CSMD1: variants seen among roughly 807,000 people sequenced by gnomAD.
CSMD1 encodes the protein CUB and Sushi multiple domains 1.
Under a neutral mutation model 417.5 loss-of-function variants are expected in CSMD1, and 213 were observed. The observed-to-expected ratio is 0.51, with a 90% CI of 0.46 to 0.57. The LOEUF is 0.57. Among genes scored for constraint, CSMD1 ranks in the 20% least tolerant of loss-of-function variants. The pLI is 0.00. For missense variants in CSMD1, 6,923 were observed against 4,529.7 expected, an observed-to-expected ratio of 1.53 and a Z score of -15.17; for synonymous variants, 2,862 against 1,736.8, an observed-to-expected ratio of 1.65 and a Z score of -16.11.
At chr8:3,712,765 C>T (rs888454984) in intron 6 of CSMD1, among the ~76,000 whole-genome samples, 1 of 152,120 alleles carries the variant, frequency 6.6e-6, no homozygotes, top group Non-Finnish European at 1.5e-5. Flanking sequence ...GTCTCACATT[C>T]CCTGGTGTCT....
chr8:3,819,777 T>G (rs1801617464), intron 5 of CSMD1, among the ~76,000 whole-genome samples: 1 of 152,066 alleles, frequency 6.6e-6, no homozygotes, highest in Non-Finnish European at 1.5e-5. Context: ...TATATAGAGA[T>G]GTAAGCAATC....
At position 3,527,165 on chromosome 8, in the gene CSMD1, CA is replaced by C. The variant is rs1423747993; in HGVS notation, c.1345-33440del. ...TGTCTCTCTCCACGTTTTTATAACACAAAAAAATAAAATTTTAATATAAAAC... is the reference window on the plus strand; with the variant it reads ...TGTCTCTCTCCACGTTTTTATAACACAAAAAATAAAATTTTAATATAAAAC... On this transcript the variant is annotated intron_variant, in intron 10 of 69. Coordinates refer to ENST00000635120, the MANE Select transcript of CSMD1 (RefSeq NM_033225.6). Among the ~76,000 whole-genome samples the C allele has an allele frequency of 3.9e-5, 6 of 152,004 alleles. 1 individual carries two copies. The South Asian group carries it at 6.2e-4, about 16-fold the overall frequency.
chr8:3,612,389 A>G (rs189889294), intron 8 of CSMD1, among the ~76,000 whole-genome samples: 44 of 152,232 alleles, frequency 2.9e-4, no homozygotes, highest in Non-Finnish European at 6.2e-4. Context: ...TCAATCACAG[A>G]TCTGACAAGT....
At chr8:3,454,747 T>A (rs1452475184) in intron 12 of CSMD1, among the ~76,000 whole-genome samples, 3 of 152,192 alleles carry the variant, frequency 2.0e-5, no homozygotes, top group African/African-American at 4.8e-5. Context: ...CCCTTTAAAT[T>A]TTTTCTTCAT....
chr8:4,607,362 G>C (rs1259931024), intron 2 of CSMD1, among the ~76,000 whole-genome samples: 1 of 152,112 alleles, frequency 6.6e-6, no homozygotes, highest in African/African-American at 2.4e-5. Context: ...TTGATTCTGA[G>C]ACAGGAATAA....
At chr8:3,701,260 T>A (rs143547394) in intron 7 of CSMD1, among the ~76,000 whole-genome samples, 1,553 of 152,268 alleles carry the variant, frequency 0.01, 34 homozygotes, top group African/African-American at 0.036. Flanking sequence ...AATTGGATCA[T>A]CTCGGGACAA....
chr8:4,253,438 A>G (rs1019753109), intron 3 of CSMD1, among the ~76,000 whole-genome samples: 9 of 152,194 alleles, frequency 5.9e-5, no homozygotes, highest in African/African-American at 1.9e-4. Flanking sequence ...AACATAGCGG[A>G]ACACCATATC....
intron 5 of CSMD1, among the ~76,000 whole-genome samples, chr8:3,802,865 T>C (rs763932605): frequency 6.6e-6 from 1 of 152,146 alleles, no homozygotes; most frequent in African/African-American, 2.4e-5. Context: ...GGCCCTTAGA[T>C]GATGTGGTCT....
chr8:3,380,123 C>T (rs564604808), intron 18 of CSMD1, among the ~76,000 whole-genome samples: 2 of 152,210 alleles, frequency 1.3e-5, no homozygotes, highest in East Asian at 1.9e-4. Flanking sequence ...ATGCAGCCAA[C>T]AAACATAAGA....
chr8:3,859,728 G>C (rs1032225371), intron 5 of CSMD1, among the ~76,000 whole-genome samples: 7 of 152,158 alleles, frequency 4.6e-5, no homozygotes, highest in African/African-American at 1.7e-4. Context: ...TCTGGACACA[G>C]AAACCCGGGC....
chr8:4,104,975 A>C (rs1405059644), intron 3 of CSMD1, among the ~76,000 whole-genome samples: 5 of 146,570 alleles, frequency 3.4e-5, no homozygotes, highest in African/African-American at 1.2e-4. Context: ...TTCGATCATA[A>C]TAGAACAGTT....
intron 4 of CSMD1, among the ~76,000 whole-genome samples, chr8:4,004,151 A>C (rs1244677164): frequency 2.0e-5 from 3 of 152,112 alleles, no homozygotes; most frequent in Non-Finnish European, 4.4e-5. Context: ...AAGACTAAGA[A>C]ATATAAACAT....
rs1013152815 is a variant in CSMD1 at position 3,069,447 on chromosome 8, G to A, written c.7475-16800C>T. ...GAGACTCTGTCTGAAAAAAAAAAAA[G>A]AAAAAGAAAAAGAAAGGGATTACAT... On this transcript the variant is annotated intron_variant, in intron 49 of 69. Coordinates refer to ENST00000635120, the MANE Select transcript of CSMD1 (RefSeq NM_033225.6). Among the ~76,000 whole-genome samples the A allele has an allele frequency of 3.3e-5, 5 of 150,212 alleles. No homozygotes were observed. In the East Asian group the frequency reaches 7.8e-4, roughly 23 times the overall value.
chr8:3,360,770 C>T (rs928846933), intron 20 of CSMD1, among the ~76,000 whole-genome samples: 7 of 152,026 alleles, frequency 4.6e-5, no homozygotes, highest in East Asian at 3.9e-4. Context: ...TCCCCTAACT[C>T]GGAATTTTAG....
chr8:3,489,982 T>C (rs1399556646), intron 11 of CSMD1, among the ~76,000 whole-genome samples: 1 of 152,248 alleles, frequency 6.6e-6, no homozygotes, highest in Non-Finnish European at 1.5e-5. Context: ...TATTCCAGTC[T>C]ATCTGTCATT....
intron 12 of CSMD1, among the ~76,000 whole-genome samples, chr8:3,428,674 A>G (rs1390396472): frequency 6.6e-6 from 1 of 152,118 alleles, no homozygotes; most frequent in Non-Finnish European, 1.5e-5. Flanking sequence ...AAAAAGAACT[A>G]TCATATGATC....
At chr8:4,039,757 G>A (rs537089830) in intron 3 of CSMD1, among the ~76,000 whole-genome samples, 7 of 152,186 alleles carry the variant, frequency 4.6e-5, no homozygotes, top group African/African-American at 7.2e-5. Context: ...TGATGTGGGG[G>A]AAGTCGTTGT....
intron 42 of CSMD1, among the ~76,000 whole-genome samples, chr8:3,111,790 C>A (rs1267957852): frequency 6.6e-6 from 1 of 152,004 alleles, no homozygotes; most frequent in Non-Finnish European, 1.5e-5. Flanking sequence ...CGAGATTGTG[C>A]CATTGCACTC....
At chr8:4,002,099 C>A (rs1815726884) in intron 4 of CSMD1, among the ~76,000 whole-genome samples, 1 of 152,070 alleles carries the variant, frequency 6.6e-6, no homozygotes, top group Non-Finnish European at 1.5e-5. Flanking sequence ...GAATATTACA[C>A]ATATAAGACA....
Sources: gnomAD v4.1 joint callset for allele counts (sites outside exome capture counted in the v4.1 genomes callset) on GRCh38, gnomAD v4.1.1 for gene constraint, MANE v1.5 for transcripts, NCBI Gene and HGNC (gene_info 2026-07-23, HGNC 2026-07-21) for gene names.